Variants in FAM135B observed in about 807,000 individuals in gnomAD.
The protein encoded by FAM135B is family with sequence similarity 135 member B.
FAM135B carries 43 observed loss-of-function variants against 127.7 expected under a neutral mutation model. The ratio of observed to expected loss-of-function variants is 0.34; its 90% confidence interval spans 0.26 to 0.43. FAM135B has a LOEUF of 0.43. Ranked by LOEUF, FAM135B falls within the 20% of genes least tolerant of loss-of-function variation. FAM135B has a pLI of 1.00. For synonymous variants in FAM135B, 670 were observed against 665.1 expected (o/e 1.01, Z -0.11); for missense variants, 1,558 against 1,725.6 (o/e 0.90, Z 1.72).
chr8:138,480,614 T>A (rs1281338603), intron 1 of FAM135B, among the ~76,000 whole-genome samples: 1 of 152,040 alleles, frequency 6.6e-6, no homozygotes, highest in East Asian at 1.9e-4. Context: ...AGAGGTTCAG[T>A]GGAAGAAACA....
At chr8:138,258,601 C>T (rs2130564611) in intron 4 of FAM135B, among the ~76,000 whole-genome samples, 1 of 152,304 alleles carries the variant, frequency 6.6e-6, no homozygotes, top group South Asian at 2.1e-4. Flanking sequence ...CAATTTTAAA[C>T]TTGCTGCAAT....
chr8:138,312,791 C>T (rs1194037099), intron 2 of FAM135B, among the ~76,000 whole-genome samples: 1 of 152,176 alleles, frequency 6.6e-6, no homozygotes, highest in Non-Finnish European at 1.5e-5. Context: ...AGGCTTCCAT[C>T]CCTAACAGAT....
intron 9 of FAM135B, among the ~76,000 whole-genome samples, chr8:138,194,829 G>T (rs1413827194): frequency 6.6e-6 from 1 of 152,152 alleles, no homozygotes; most frequent in Non-Finnish European, 1.5e-5. Context: ...GCTTGATGAG[G>T]CTTTGTTGGC....
chr8:138,344,510 G>T (rs191037312), intron 2 of FAM135B, among the ~76,000 whole-genome samples: 64 of 151,346 alleles, frequency 4.2e-4, no homozygotes, highest in African/African-American at 1.5e-3. Flanking sequence ...TAAATGTTAC[G>T]TCCTCAAAGA....
chr8:138,367,465 C>T (rs1830816727), intron 2 of FAM135B: 3 of 456,760 alleles, frequency 6.6e-6, no homozygotes, highest in Non-Finnish European at 1.3e-5. Flanking sequence ...TTTGCAAATA[C>T]CAACCTTATC....
At chr8:138,446,502 A>G (rs898163585) in intron 1 of FAM135B, among the ~76,000 whole-genome samples, 4 of 152,234 alleles carry the variant, frequency 2.6e-5, no homozygotes, top group East Asian at 1.9e-4. Flanking sequence ...GTAACACTGC[A>G]TACCTACAAC....
At chr8:138,194,534 C>T (rs914628455) in intron 9 of FAM135B, among the ~76,000 whole-genome samples, 1 of 152,142 alleles carries the variant, frequency 6.6e-6, no homozygotes, top group Non-Finnish European at 1.5e-5. Flanking sequence ...ATTAAAGTTC[C>T]AAGGATGATT....
chr8:138,347,638 C>G (rs1489097669), intron 2 of FAM135B, among the ~76,000 whole-genome samples: 1 of 152,142 alleles, frequency 6.6e-6, no homozygotes. Context: ...TAAGATGATA[C>G]AAGTTGCAGT....
chr8:138,217,599 T>C (rs1452594242), intron 7 of FAM135B, among the ~76,000 whole-genome samples: 1 of 151,800 alleles, frequency 6.6e-6, no homozygotes, highest in Non-Finnish European at 1.5e-5. Context: ...CCCAGCTAAT[T>C]TTTTTGTATT....
At chr8:138,195,633 T>TAC (rs34987954) in intron 8 of FAM135B, among the ~76,000 whole-genome samples, 2,517 of 149,754 alleles carry the variant, frequency 0.017, 40 homozygotes, top group African/African-American at 0.048. Flanking sequence ...TTTTTGCAGG[T>TAC]ACACACACAC....
Position 138,250,848 on chromosome 8 carries a change from A to G in FAM135B, c.535T>C (p.Leu179=), listed in dbSNP as rs745431814. Residue 179 remains leucine, a synonymous_variant, in exon 6 of 20, where the codon TTG becomes CTG. Coordinates refer to ENST00000395297, the MANE Select transcript of FAM135B (RefSeq NM_015912.4). ...TGCCTCTGAACTTCATACCTGATCA[A>G]TGGCTGCTGCAGAGCCACCAGGGCA... is the stretch of plus-strand genomic sequence containing the variant. ...HAALVALQQP[L]ISFTRPGRGS... 3 of 1,613,690 alleles carry G rather than the reference A, an allele frequency of 1.9e-6. No individual in the cohort carries two copies. The highest frequency in any genetic ancestry group is 1.7e-6 in the Non-Finnish European group (2 of 1,179,976).
At chr8:138,250,168 C>T (rs1029539271) in intron 6 of FAM135B, among the ~76,000 whole-genome samples, 8 of 152,048 alleles carry the variant, frequency 5.3e-5, no homozygotes, top group Admixed American at 5.2e-4. Context: ...GCCTGGCCAA[C>T]ATGGTGAAAC....
chr8:138,179,922 C>T (rs1296073874), intron 9 of FAM135B, among the ~76,000 whole-genome samples: 1 of 152,124 alleles, frequency 6.6e-6, no homozygotes, highest in Non-Finnish European at 1.5e-5. Context: ...CTCAAGTGAT[C>T]CACCTGCTTC....
Position 138,152,341 on chromosome 8 carries a change from C to G in FAM135B, c.2134G>C (p.Glu712Gln), listed in dbSNP as rs1818244209. 1 of 1,614,118 alleles carries G rather than the reference C, an allele frequency of 6.2e-7. No homozygotes were observed. The highest frequency in any genetic ancestry group is 8.5e-7 in the Non-Finnish European group (1 of 1,180,010). The stretch of plus-strand genomic sequence containing the variant: ...CTTCGAACAAACGGGTGCAAGACTT[C>G]CCGATCACTGGGCAACTCCAGAGCC... The part of the protein sequence containing the change: ...SRALELPSDR[E>Q]VLHPFVRRHA... The change falls in exon 13 of 20, where the codon GAA (glutamate) becomes CAA (glutamine). Residue 712 changes from glutamate to glutamine, a missense_variant. This residue lies in a region of FAM135B where 923 missense variants were observed against 865.3 expected (regional missense o/e 1.07). Transcript: ENST00000395297.
At chr8:138,144,787 T>C (rs1817519930) in intron 15 of FAM135B, among the ~76,000 whole-genome samples, 1 of 152,176 alleles carries the variant, frequency 6.6e-6, no homozygotes, top group Admixed American at 6.5e-5. Flanking sequence ...GGTTTCCAGG[T>C]TGAACCCAGC....
At chr8:138,413,291 C>T (rs1185567198) in intron 1 of FAM135B, among the ~76,000 whole-genome samples, 1 of 152,022 alleles carries the variant, frequency 6.6e-6, no homozygotes, top group Non-Finnish European at 1.5e-5. Flanking sequence ...GTAGAGTTCC[C>T]CTGTCTCATC....
rs1339300558 is a variant in FAM135B, at chr8:138,222,670, TTGG to T, written c.669+20269_669+20271del. ...TGTTTGTTTGTTTGTAGGATTTTTG[TTGG>T]TGGTGTTTTTTTTTTTTTTTTTTTT... On this transcript the variant is annotated intron_variant, in intron 7 of 19. Transcript: ENST00000395297. Among the ~76,000 whole-genome samples, 446 of 143,762 alleles carry T rather than the reference TTGG, an allele frequency of 3.1e-3. 2 individuals carry two copies. Among genetic ancestry groups the T allele is most frequent in the African/African-American group, 0.011 (422 of 38,080 alleles). The allele number at this position is 143,762 out of a possible 152,430, so 94.3% of individuals were successfully genotyped here. A position where few individuals can be genotyped will look rare whatever the true frequency, so the allele number is the denominator to read the frequency against.
chr8:138,488,027 C>T (rs1329337232), intron 1 of FAM135B, among the ~76,000 whole-genome samples: 2 of 151,992 alleles, frequency 1.3e-5, no homozygotes, highest in East Asian at 3.9e-4. Context: ...AAAAAAGACG[C>T]CTGTCAGTGT....
chr8:138,476,961 G>A (rs964567194), intron 1 of FAM135B, among the ~76,000 whole-genome samples: 4 of 152,212 alleles, frequency 2.6e-5, no homozygotes, highest in Non-Finnish European at 5.9e-5. Context: ...GTTAGCATGA[G>A]AGAAGAAGCC....
Sources: gnomAD v4.1 joint callset for allele counts (sites outside exome capture counted in the v4.1 genomes callset) on GRCh38, gnomAD v4.1.1 for gene constraint, gnomAD v4.1.1 regional missense constraint, MANE v1.5 for transcripts, NCBI Gene and HGNC (gene_info 2026-07-23, HGNC 2026-07-21) for gene names.